Variants in ADAMTSL1 observed in about 807,000 individuals in gnomAD.
The protein encoded by ADAMTSL1 is ADAMTS like 1.
Under a neutral mutation model 201.8 loss-of-function variants are expected in ADAMTSL1, and 126 were observed. The observed-to-expected ratio is 0.62, with a 90% CI of 0.54 to 0.72. The LOEUF is 0.72. ADAMTSL1 is among the 30% of genes least tolerant of loss of function. The pLI, the probability that ADAMTSL1 is intolerant of heterozygous loss-of-function variation, is 0.00. For synonymous variants in ADAMTSL1, 1,121 were observed against 903.4 expected, an observed-to-expected ratio of 1.24 and a Z score of -4.32; for missense variants, 2,679 against 2,277.8, an observed-to-expected ratio of 1.18 and a Z score of -3.59.
At chr9:18,395,682 T>G (rs990315425) in intron 2 of ADAMTSL1, among the ~76,000 whole-genome samples, 3 of 152,192 alleles carry the variant, frequency 2.0e-5, no homozygotes, top group African/African-American at 7.2e-5. Flanking sequence ...CCTTCTCAAC[T>G]GCAAGTGGTC....
In ADAMTSL1 at chr9:18,910,273, A is replaced by AAAAT. The variant is rs1333576658; in HGVS notation, c.*1729_*1732dup. 6.6e-6 allele frequency: 1 copy of AAAAT among 152,166 alleles called. No homozygotes were observed. The highest frequency in any genetic ancestry group is 2.4e-5 in the African/African-American group (1 of 41,386). 9.4% of individuals were successfully genotyped at this position (152,166 alleles called of 1,614,324 possible). The stretch of plus-strand genomic sequence containing the variant: ...TAAAAAATCAGTGTAAAGTCTGTTT[A>AAAAT]AAATAAAAAAGAATGTTTTCTATGT... On this transcript the variant is annotated 3_prime_UTR_variant, in exon 29 of 29. Transcript: ENST00000380548.
intron 1 of ADAMTSL1, among the ~76,000 whole-genome samples, chr9:18,095,041 A>G (rs1329646815): frequency 6.6e-6 from 1 of 152,216 alleles, no homozygotes; most frequent in Non-Finnish European, 1.5e-5. Flanking sequence ...TCACAGGTTC[A>G]GAGGTAGACC....
In ADAMTSL1 at chr9:18,032,526, C is replaced by A. The variant is rs956139785; in HGVS notation, c.87+125604C>A. 2.0e-5 allele frequency among the ~76,000 whole-genome samples: 3 copies of A among 152,140 alleles called. No individual in the cohort carries two copies. The East Asian group carries it at 5.8e-4, about 29-fold the overall frequency. On this transcript the variant is annotated intron_variant, in intron 1 of 29. Transcript: ENST00000680146. ...GGAGGGGTTGGCAGACAAGGGGGCA[C>A]AGAGATCAGATGCACCTTAGTACCA...
At chr9:17,958,403 C>T (rs1322139069) in intron 1 of ADAMTSL1, among the ~76,000 whole-genome samples, 1 of 152,156 alleles carries the variant, frequency 6.6e-6, no homozygotes, top group Non-Finnish European at 1.5e-5. Flanking sequence ...TCTTGTTTAT[C>T]AAAGGCACAA....
At position 18,893,479 on chromosome 9, in the gene ADAMTSL1, CCAG is replaced by C. The variant is rs1563896674; in HGVS notation, c.4851+884_4851+886del. ...CTCCTCTTTTCTACAACCCTCCAGG[CCAG>C]TACGTGTCGAGCTTTAATGTGAATC... On this transcript the variant is annotated intron_variant, in intron 26 of 28. Coordinates refer to ENST00000380548, the MANE Select transcript of ADAMTSL1 (RefSeq NM_001040272.6). Among the ~76,000 whole-genome samples the C allele has an allele frequency of 2.0e-5, 3 of 152,178 alleles. No homozygotes were observed. In the East Asian group the frequency reaches 5.8e-4, roughly 29 times the overall value.
chr9:18,334,387 A>G (rs1835146641), intron 2 of ADAMTSL1, among the ~76,000 whole-genome samples: 1 of 152,206 alleles, frequency 6.6e-6, no homozygotes, highest in African/African-American at 2.4e-5. Context: ...ATATGCACAC[A>G]TGCAAGAGAT....
chr9:18,124,238 A>G (rs989167718), intron 1 of ADAMTSL1, among the ~76,000 whole-genome samples: 4 of 151,822 alleles, frequency 2.6e-5, no homozygotes, highest in African/African-American at 7.3e-5. Context: ...GTGCACCACC[A>G]TGCCTGGCTA....
intron 15 of ADAMTSL1, among the ~76,000 whole-genome samples, chr9:18,740,450 T>C (rs1421918974): frequency 8.1e-6 from 1 of 123,486 alleles, no homozygotes; most frequent in Admixed American, 8.4e-5. Context: ...CTACTCAATG[T>C]TCCTTTCTTT....
intron 5 of ADAMTSL1, among the ~76,000 whole-genome samples, chr9:18,633,737 A>C (rs1357325865): frequency 6.6e-6 from 1 of 150,932 alleles, no homozygotes. Flanking sequence ...CTGAAATTCA[A>C]CAATGTATGA....
chr9:18,802,454 T>C (rs1273058963), intron 20 of ADAMTSL1, among the ~76,000 whole-genome samples: 1 of 152,224 alleles, frequency 6.6e-6, no homozygotes, highest in African/African-American at 2.4e-5. Flanking sequence ...TGATATTTTA[T>C]ATAATTAGAA....
chr9:18,587,877 G>C (rs745679218), intron 4 of ADAMTSL1, among the ~76,000 whole-genome samples: 11 of 152,044 alleles, frequency 7.2e-5, no homozygotes, highest in Non-Finnish European at 1.3e-4. Context: ...TTTATTAATT[G>C]ATGAACACTT....
chr9:18,319,062 A>AT (rs1327002673), intron 2 of ADAMTSL1, among the ~76,000 whole-genome samples: 2 of 152,004 alleles, frequency 1.3e-5, no homozygotes, highest in Admixed American at 6.5e-5. Context: ...TTTTTAAACA[A>AT]TTTTTTCTGG....
intron 2 of ADAMTSL1, among the ~76,000 whole-genome samples, chr9:18,237,181 T>C (rs1830881652): frequency 6.6e-6 from 1 of 152,232 alleles, no homozygotes; most frequent in Non-Finnish European, 1.5e-5. Context: ...TCAGAAGCTG[T>C]GTCCCACATG....
intron 2 of ADAMTSL1, among the ~76,000 whole-genome samples, chr9:18,362,810 G>A (rs190715979): frequency 3.3e-5 from 5 of 152,226 alleles, no homozygotes; most frequent in Admixed American, 6.5e-5. Context: ...TGTTAGTTAG[G>A]CAAAACCTAA....
At chr9:18,173,082 T>C (rs2132133216) in intron 2 of ADAMTSL1, among the ~76,000 whole-genome samples, 1 of 152,272 alleles carries the variant, frequency 6.6e-6, no homozygotes, top group South Asian at 2.1e-4. Flanking sequence ...ATATAAAATG[T>C]TTCTATTTGT....
chr9:18,194,692 T>C (rs973920105), intron 2 of ADAMTSL1, among the ~76,000 whole-genome samples: 1 of 152,030 alleles, frequency 6.6e-6, no homozygotes, highest in African/African-American at 2.4e-5. Context: ...ACTGTACAAA[T>C]TGATATTTGT....
At position 18,577,427 on chromosome 9, in the gene ADAMTSL1, A is replaced by G. The variant is rs1018754328; in HGVS notation, c.474+3161A>G. On this transcript the variant is annotated intron_variant, in intron 4 of 28. Coordinates refer to ENST00000380548, the MANE Select transcript of ADAMTSL1 (RefSeq NM_001040272.6). ...CTTAAACCTGGGAGGCAGAGGTTGC[A>G]GTGAGCCGAGATTGCACCACTGTAC... Among the ~76,000 whole-genome samples the G allele has an allele frequency of 9.2e-5, 14 of 152,314 alleles. No individual in the cohort carries two copies. In the South Asian group the frequency reaches 1.0e-3, roughly 11 times the overall value.
intron 2 of ADAMTSL1, among the ~76,000 whole-genome samples, chr9:18,257,382 A>G (rs908698006): frequency 1.3e-5 from 2 of 152,226 alleles, no homozygotes; most frequent in African/African-American, 4.8e-5. Flanking sequence ...ATTTTCTCTA[A>G]AGATATACAG....
intron 2 of ADAMTSL1, among the ~76,000 whole-genome samples, chr9:18,421,635 T>G (rs1047325301): frequency 3.9e-5 from 6 of 152,182 alleles, no homozygotes; most frequent in Admixed American, 3.3e-4. Context: ...ATACCAGCAG[T>G]AGCACTGAAA....
Sources: allele counts gnomAD v4.1 joint callset (sites outside exome capture counted in the v4.1 genomes callset), GRCh38; gene constraint gnomAD v4.1.1; transcripts MANE v1.5; gene names NCBI Gene and HGNC (gene_info 2026-07-23, HGNC 2026-07-21).